The following BPNT2 variants were observed in gnomAD, a reference collection of about 807,000 sequenced individuals.
The protein encoded by BPNT2 is Golgi-resident adenosine 3',5'-bisphosphate 3'-phosphatase.
In BPNT2, 11 loss-of-function variants were observed where a neutral mutation model predicts 29.3. The observed-to-expected ratio is 0.38, with a 90% CI of 0.24 to 0.62. BPNT2 has a LOEUF of 0.62. Among genes scored for constraint, BPNT2 ranks in the 20% least tolerant of loss-of-function variants. BPNT2 has a pLI of 0.62. For synonymous variants in BPNT2, 195 were observed against 187.7 expected, an observed-to-expected ratio of 1.04 and a Z score of -0.32; for missense variants, 459 against 473.4, an observed-to-expected ratio of 0.97 and a Z score of 0.28.
At chr8:56,986,342 G>C (rs900877448) in intron 1 of BPNT2, among the ~76,000 whole-genome samples, 2 of 152,170 alleles carry the variant, frequency 1.3e-5, no homozygotes, top group African/African-American at 2.4e-5. Context: ...TAATAGCTAG[G>C]TACAGATCTG....
chr8:56,979,916 A>T, intron 2 of BPNT2, 119 bp downstream of exon 2: 1 of 926,238 alleles, frequency 1.1e-6, no homozygotes, highest in East Asian at 2.5e-5. Flanking sequence ...TACTACTGTT[A>T]AAAATGCTTC....
rs768588641 is a variant in BPNT2, at chr8:56,993,466, G to A, written c.120C>T (p.Gly40=). Residue 40 remains glycine, a synonymous_variant, in exon 1 of 5, where the codon GGC becomes GGT. Transcript: ENST00000262644. ...CGCCGCCGCCAGGCTCGCCGCCCAGGCCGAAGAGGCTGAAGCGGCCGGCCA... is the reference window on the plus strand; with the variant it reads ...CGCCGCCGCCAGGCTCGCCGCCCAGACCGAAGAGGCTGAAGCGGCCGGCCA... ...GFLAGRFSLF[G]LGGEPGGGAA... The A allele has an allele frequency of 1.3e-5, 19 of 1,495,346 alleles. No homozygotes were observed. The South Asian group carries it at 2.3e-4, about 18-fold the overall frequency. 92.6% of individuals were successfully genotyped at this position (1,495,346 alleles called of 1,614,324 possible).
intron 3 of BPNT2, among the ~76,000 whole-genome samples, chr8:56,974,955 T>C (rs1447826984): frequency 6.6e-6 from 1 of 152,198 alleles, no homozygotes; most frequent in Non-Finnish European, 1.5e-5. Flanking sequence ...CTAATACCAA[T>C]TTCCTCATTT....
At chr8:56,974,259 C>T (rs1563407733) in intron 3 of BPNT2, among the ~76,000 whole-genome samples, 1 of 152,114 alleles carries the variant, frequency 6.6e-6, no homozygotes, top group African/African-American at 2.4e-5. Flanking sequence ...AAAAGTTACA[C>T]ACAGATTTTC....
intron 1 of BPNT2, among the ~76,000 whole-genome samples, chr8:56,981,559 A>C (rs895838603): frequency 6.6e-6 from 1 of 152,080 alleles, no homozygotes; most frequent in African/African-American, 2.4e-5. Context: ...GCAAGACTCC[A>C]TCTCAAAAAA....
Position 56,975,002 on chromosome 8 carries a change from G to A in BPNT2, c.646+3048C>T, listed in dbSNP as rs181231182. Among the ~76,000 whole-genome samples the A allele has an allele frequency of 2.6e-5, 4 of 152,230 alleles. No homozygotes were observed. The East Asian group carries it at 7.7e-4, about 29-fold the overall frequency. On this transcript the variant is annotated intron_variant, in intron 3 of 4. Transcript: ENST00000262644. ...CTTCCAATTCTCTTTGGAATAGCAG[G>A]CTCTGTTTGCAGCTAAGGGTGCCAT...
intron 4 of BPNT2, among the ~76,000 whole-genome samples, chr8:56,964,642 A>G (rs1805909772): frequency 6.6e-6 from 1 of 152,180 alleles, no homozygotes; most frequent in Admixed American, 6.5e-5. Context: ...GTAACCAAAT[A>G]TATACCTACA....
chr8:56,972,741 G>C (rs1460600477), intron 3 of BPNT2, among the ~76,000 whole-genome samples: 1 of 151,958 alleles, frequency 6.6e-6, no homozygotes, highest in Non-Finnish European at 1.5e-5. Flanking sequence ...AGGAGTAGCA[G>C]CTTCTACCAA....
intron 3 of BPNT2, among the ~76,000 whole-genome samples, chr8:56,972,891 T>A (rs988684779): frequency 2.6e-5 from 4 of 151,742 alleles, no homozygotes; most frequent in African/African-American, 7.3e-5. Context: ...AAAATACATT[T>A]ATTAGTAAGG....
At chr8:56,967,095 A>G in intron 3 of BPNT2, 1 of 455,294 alleles carries the variant, frequency 2.2e-6, no homozygotes, top group Non-Finnish European at 4.4e-6. Context: ...AAACTATACA[A>G]GAGAACAAAC....
chr8:56,969,039 T>A (rs2129203885), intron 3 of BPNT2, among the ~76,000 whole-genome samples: 1 of 152,174 alleles, frequency 6.6e-6, no homozygotes, highest in Non-Finnish European at 1.5e-5. Flanking sequence ...GAGTGATGCA[T>A]CTACTGACTA....
In BPNT2 at chr8:56,981,521, C is replaced by T. The variant is rs539968789; in HGVS notation, c.388-1324G>A. On this transcript the variant is annotated intron_variant, in intron 1 of 4. Coordinates refer to ENST00000262644, the MANE Select transcript of BPNT2 (RefSeq NM_017813.5). ...TGGAGGTTGCAGTGAGCCAAGATCA[C>T]GCCACTGCACTCCAGCCTGGCGACA... Among the ~76,000 whole-genome samples the T allele has an allele frequency of 5.9e-5, 9 of 152,088 alleles. No homozygotes were observed. In the East Asian group the frequency reaches 9.7e-4, roughly 16 times the overall value.
intron 1 of BPNT2, among the ~76,000 whole-genome samples, chr8:56,991,921 G>T (rs1035258547): frequency 1.3e-5 from 2 of 151,738 alleles, no homozygotes; most frequent in Non-Finnish European, 2.9e-5. Flanking sequence ...ACAGAGTAGG[G>T]AAGAAGAAAA....
intron 3 of BPNT2, among the ~76,000 whole-genome samples, chr8:56,972,744 T>G (rs1806059568): frequency 6.6e-6 from 1 of 151,974 alleles, no homozygotes; most frequent in Non-Finnish European, 1.5e-5. Context: ...AGTAGCAGCT[T>G]CTACCAACCA....
chr8:56,991,438 T>C (rs1222764205), intron 1 of BPNT2, among the ~76,000 whole-genome samples: 1 of 152,214 alleles, frequency 6.6e-6, no homozygotes, highest in African/African-American at 2.4e-5. Context: ...TGCACACACA[T>C]ACAGATGTGT....
chr8:56,974,441 T>C (rs1473222309), intron 3 of BPNT2, among the ~76,000 whole-genome samples: 2 of 152,218 alleles, frequency 1.3e-5, no homozygotes, highest in African/African-American at 2.4e-5. Flanking sequence ...TTTGCTCTTA[T>C]TGCCAACAAC....
chr8:56,971,788 C>CAA (rs200324392), intron 3 of BPNT2, among the ~76,000 whole-genome samples: 1 of 145,274 alleles, frequency 6.9e-6, no homozygotes, highest in African/African-American at 2.5e-5. Flanking sequence ...TACCACCCCC[C>CAA]CCCCCACAAT....
At chr8:56,985,719 G>C (rs1806317189) in intron 1 of BPNT2, among the ~76,000 whole-genome samples, 1 of 152,134 alleles carries the variant, frequency 6.6e-6, no homozygotes, top group Non-Finnish European at 1.5e-5. Context: ...GATTTCTTTA[G>C]GTTAACTTGC....
At chr8:56,992,992 C>A (rs1021265264) in intron 1 of BPNT2, among the ~76,000 whole-genome samples, 1 of 152,186 alleles carries the variant, frequency 6.6e-6, no homozygotes, top group African/African-American at 2.4e-5. Flanking sequence ...CCAGGACGAG[C>A]CAAAAGGGCA....
Sources: allele counts gnomAD v4.1 joint callset (sites outside exome capture counted in the v4.1 genomes callset), GRCh38; gene constraint gnomAD v4.1.1; transcripts MANE v1.5; gene names NCBI Gene and HGNC (gene_info 2026-07-23, HGNC 2026-07-21).